KIF13B: variants seen among roughly 807,000 people sequenced by gnomAD.
KIF13B encodes kinesin family member 13B.
A neutral mutation model predicts 222.0 loss-of-function variants in KIF13B; 127 were observed. That is an observed-to-expected ratio of 0.57 (90% CI 0.50 to 0.66). The LOEUF (loss-of-function observed/expected upper bound fraction) is 0.66. Ranked by LOEUF, KIF13B falls within the 30% of genes least tolerant of loss-of-function variation. The probability of loss-of-function intolerance (pLI) is 0.00; values close to 1 mark genes in which losing one functional copy is unlikely to be tolerated. For missense variants in KIF13B, 2,173 were observed against 2,379.0 expected (o/e 0.91, Z 1.80); for synonymous variants, 976 against 919.0 (o/e 1.06, Z -1.12).
intron 9 of KIF13B, among the ~76,000 whole-genome samples, chr8:29,177,149 G>A (rs929095834): frequency 5.3e-5 from 8 of 151,972 alleles, no homozygotes; most frequent in African/African-American, 1.2e-4. Flanking sequence ...GGGAAGAGGC[G>A]GCAGCTACTA....
Position 29,172,062 on chromosome 8 carries a change from G to A in KIF13B, c.945+4006C>T, listed in dbSNP as rs747954589. Among the ~76,000 whole-genome samples, 28 of 130,450 alleles carry A rather than the reference G, an allele frequency of 2.1e-4. 1 individual carries two copies. In the Middle Eastern group the frequency reaches 0.032, roughly 149 times the overall value. 85.6% of individuals were successfully genotyped at this position (130,450 alleles called of 152,430 possible). A position where few individuals can be genotyped will look rare whatever the true frequency, so the allele number is the denominator to read the frequency against. ...CCTCAGTGAGCCCCATGCCCAGCCA[G>A]ATCACATATATTTTCTTTTCTTTTT... On this transcript the variant is annotated intron_variant, in intron 10 of 39. Coordinates refer to ENST00000524189, the MANE Select transcript of KIF13B (RefSeq NM_015254.4).
chr8:29,107,875 G>A (rs1257077026), intron 35 of KIF13B, among the ~76,000 whole-genome samples: 2 of 152,142 alleles, frequency 1.3e-5, no homozygotes, highest in African/African-American at 4.8e-5. Flanking sequence ...TTTCTTTTCT[G>A]ACAGAAATAG....
intron 12 of KIF13B, among the ~76,000 whole-genome samples, chr8:29,162,067 C>T (rs1050026326): frequency 6.6e-6 from 1 of 152,156 alleles, no homozygotes; most frequent in East Asian, 1.9e-4. Flanking sequence ...AACATCTGTA[C>T]ATCGTAAGGA....
intron 1 of KIF13B, among the ~76,000 whole-genome samples, chr8:29,251,912 T>TA (rs1816299817): frequency 6.6e-6 from 1 of 152,200 alleles, no homozygotes; most frequent in South Asian, 2.1e-4. Context: ...AGAGTGATCT[T>TA]AAAGTAGTAC....
At chr8:29,241,763 A>G (rs1815791801) in intron 2 of KIF13B, among the ~76,000 whole-genome samples, 1 of 152,202 alleles carries the variant, frequency 6.6e-6, no homozygotes, top group Non-Finnish European at 1.5e-5. Context: ...ATAAAGCAGA[A>G]AGAATGATTA....
At position 29,075,250 on chromosome 8, in the gene KIF13B, G is replaced by C. The variant is rs756376378; in HGVS notation, c.4521+31C>G. Reference sequence around the variant, plus strand: ...TCAGGGCCACCTGCTCGCTGTAGGTGGGGTGGCCACCCGTGACCCAACAGA... The same window carrying C: ...TCAGGGCCACCTGCTCGCTGTAGGTCGGGTGGCCACCCGTGACCCAACAGA... On this transcript the variant is annotated intron_variant, in intron 38 of 39. Coordinates refer to ENST00000524189, the MANE Select transcript of KIF13B (RefSeq NM_015254.4). 8 of 1,541,398 alleles carry C rather than the reference G, an allele frequency of 5.2e-6. No individual in the cohort carries two copies. The South Asian group carries it at 9.5e-5, about 18-fold the overall frequency.
intron 23 of KIF13B, 140 bp downstream of exon 23, chr8:29,132,167 TC>T (rs1810372640): frequency 2.1e-6 from 1 of 473,316 alleles, no homozygotes; most frequent in African/African-American, 2.0e-5. Flanking sequence ...AATTGCTTAC[TC>T]CCAGGAGGCA....
At position 29,128,280 on chromosome 8, in the gene KIF13B, C is replaced by T. The variant is rs189995790; in HGVS notation, c.3076-1012G>A. Among the ~76,000 whole-genome samples the T allele has an allele frequency of 1.5e-3, 231 of 152,092 alleles. 3 individuals carry two copies. The highest frequency in any genetic ancestry group is 7.4e-4 in the Non-Finnish European group (50 of 67,976). ...GTATTCCCAAATTACTGACTTCAAACTTGGTTTATAAATTTTAGAAATGTA... is the reference window on the plus strand; with the variant it reads ...GTATTCCCAAATTACTGACTTCAAATTTGGTTTATAAATTTTAGAAATGTA... On this transcript the variant is annotated intron_variant, in intron 24 of 39. Transcript: ENST00000524189.
Position 29,148,592 on chromosome 8 carries a change from C to T in KIF13B, c.1798G>A (p.Ala600Thr), listed in dbSNP as rs1429720609. The T allele has an allele frequency of 1.2e-6, 2 of 1,606,928 alleles. No individual in the cohort carries two copies. Among genetic ancestry groups the T allele is most frequent in the Non-Finnish European group, 1.7e-6 (2 of 1,176,374 alleles). ...EYAQMEVTMK[A>T]LGSNDPMQSI... is the part of the protein sequence containing the mutation. ...ACTTGCTCACCATTGCTGCCCAGGG[C>T]CTTCATGGTGACCTCCATCTGTGCG... is the stretch of plus-strand genomic sequence containing the variant. The change falls in exon 16 of 40, where the codon GCC becomes ACC. Residue 600 changes from alanine (A) to threonine (T), a missense_variant. This residue lies in a region of KIF13B where 1,480 missense variants were observed against 1,722.8 expected (regional missense o/e 0.86). Transcript: ENST00000524189.
intron 18 of KIF13B, among the ~76,000 whole-genome samples, chr8:29,145,301 C>T (rs765310781): frequency 2.6e-5 from 4 of 152,236 alleles, no homozygotes; most frequent in Admixed American, 6.5e-5. Context: ...CTGTACAAAA[C>T]GCTGACCTTG....
At chr8:29,222,473 C>G (rs1182220470) in intron 2 of KIF13B, among the ~76,000 whole-genome samples, 6 of 146,096 alleles carry the variant, frequency 4.1e-5, no homozygotes, top group Admixed American at 4.1e-4. Context: ...AAATCATAGC[C>G]CATTTTAACA....
intron 36 of KIF13B, 77 bp from the exon 37 acceptor site, chr8:29,092,955 A>G (rs1808369966): frequency 1.5e-6 from 2 of 1,301,596 alleles, no homozygotes; most frequent in Non-Finnish European, 2.0e-6. Context: ...TTTGACAGAC[A>G]TCACTTGTCA....
intron 2 of KIF13B, among the ~76,000 whole-genome samples, chr8:29,228,191 C>T (rs191841970): frequency 6.6e-6 from 1 of 151,362 alleles, no homozygotes; most frequent in East Asian, 2.0e-4. Flanking sequence ...ATGGGCCGGG[C>T]TCAGTGGCTC....
At chr8:29,085,591 C>T (rs184817018) in intron 37 of KIF13B, among the ~76,000 whole-genome samples, 3,709 of 150,752 alleles carry the variant, frequency 0.025, 65 homozygotes, top group Non-Finnish European at 0.037. Flanking sequence ...AGGCTGGTCT[C>T]GAACTCCTGA....
chr8:29,219,729 G>A (rs73560769), intron 2 of KIF13B, among the ~76,000 whole-genome samples: 6,930 of 151,402 alleles, frequency 0.046, 337 homozygotes, highest in African/African-American at 0.12. Flanking sequence ...CTCCAGCCTG[G>A]GTGACACCCT....
chr8:29,211,000 C>T (rs1814196557), intron 2 of KIF13B, among the ~76,000 whole-genome samples: 1 of 152,208 alleles, frequency 6.6e-6, no homozygotes, highest in African/African-American at 2.4e-5. Flanking sequence ...GGCTAAAGAG[C>T]AGCCCCTGCC....
chr8:29,138,589 TG>T (rs1412252675), intron 21 of KIF13B: 1 of 152,216 alleles, frequency 6.6e-6, no homozygotes, highest in Non-Finnish European at 1.5e-5. Flanking sequence ...TGGCTCCTGA[TG>T]GAAGAACGCA....
At chr8:29,232,898 T>A (rs1815348945) in intron 2 of KIF13B, among the ~76,000 whole-genome samples, 1 of 152,168 alleles carries the variant, frequency 6.6e-6, no homozygotes, top group East Asian at 1.9e-4. Flanking sequence ...GGCTCACGCC[T>A]GTAATCCCAG....
At chr8:29,224,077 C>G (rs1387733637) in intron 2 of KIF13B, among the ~76,000 whole-genome samples, 1 of 151,228 alleles carries the variant, frequency 6.6e-6, no homozygotes, top group Admixed American at 6.6e-5. Context: ...TGGCTCACTG[C>G]AAGCTCCACC....
Sources: gnomAD v4.1 joint callset for allele counts (sites outside exome capture counted in the v4.1 genomes callset) on GRCh38, gnomAD v4.1.1 for gene constraint, gnomAD v4.1.1 regional missense constraint, MANE v1.5 for transcripts, NCBI Gene and HGNC (gene_info 2026-07-23, HGNC 2026-07-21) for gene names.